CAPZA2: variants seen among roughly 807,000 people sequenced by gnomAD.
CAPZA2 encodes F-actin-capping protein subunit alpha-2.
In CAPZA2, 13 loss-of-function variants were observed where a neutral mutation model predicts 44.0. That is an observed-to-expected ratio of 0.30 (90% CI 0.19 to 0.47). The LOEUF is 0.47. CAPZA2 is among the 20% of genes least tolerant of loss of function. CAPZA2 has a pLI of 1.00. For synonymous variants in CAPZA2, 94 were observed against 108.2 expected, an observed-to-expected ratio of 0.87 and a Z score of 0.81; for missense variants, 244 against 338.6, an observed-to-expected ratio of 0.72 and a Z score of 2.19.
intron 8 of CAPZA2, among the ~76,000 whole-genome samples, chr7:116,913,324 C>T (rs1473157970): frequency 6.7e-6 from 1 of 148,312 alleles, no homozygotes; most frequent in African/African-American, 2.5e-5. Context: ...TAATAGAAAC[C>T]ATTGTCTACC....
intron 2 of CAPZA2, among the ~76,000 whole-genome samples, chr7:116,891,158 T>G (rs1796841893): frequency 6.6e-6 from 1 of 152,222 alleles, no homozygotes; most frequent in Non-Finnish European, 1.5e-5. Flanking sequence ...AAGAGAAATA[T>G]TTTATTCAAA....
chr7:116,892,786 A>C (rs920112228), intron 2 of CAPZA2, among the ~76,000 whole-genome samples: 1 of 146,064 alleles, frequency 6.8e-6, no homozygotes, highest in Non-Finnish European at 1.5e-5. Flanking sequence ...ATGTATTTCT[A>C]TTTCATTCCC....
chr7:116,903,233 A>AGAGAGTGT, intron 4 of CAPZA2, among the ~76,000 whole-genome samples: 1 of 146,438 alleles, frequency 6.8e-6, no homozygotes, highest in African/African-American at 2.5e-5. Flanking sequence ...TGCAGAGAAG[A>AGAGAGTGT]GTGTGTGTGT....
intron 7 of CAPZA2, among the ~76,000 whole-genome samples, chr7:116,910,808 A>G (rs992973317): frequency 2.0e-5 from 3 of 152,102 alleles, no homozygotes; most frequent in Non-Finnish European, 4.4e-5. Context: ...GATCAAGACC[A>G]TCCTGGCTAA....
At chr7:116,879,031 C>T (rs1466595086) in intron 1 of CAPZA2, among the ~76,000 whole-genome samples, 1 of 143,336 alleles carries the variant, frequency 7.0e-6, no homozygotes, top group Non-Finnish European at 1.5e-5. Context: ...GAGGCTGAGG[C>T]AGGAGAATCA....
At chr7:116,862,774 T>C in intron 1 of CAPZA2, 124 bp downstream of exon 1, 2 of 1,051,278 alleles carry the variant, frequency 1.9e-6, no homozygotes, top group Non-Finnish European at 1.4e-6. Context: ...CGGCTGCCCT[T>C]CCTCCCCCAT....
chr7:116,913,255 T>C (rs1407889226), intron 8 of CAPZA2, among the ~76,000 whole-genome samples: 3 of 152,234 alleles, frequency 2.0e-5, no homozygotes, highest in Non-Finnish European at 4.4e-5. Context: ...TGATATTGTT[T>C]GCAAAACAGA....
At chr7:116,907,528 T>C (rs1460152113) in intron 6 of CAPZA2, among the ~76,000 whole-genome samples, 1 of 152,252 alleles carries the variant, frequency 6.6e-6, no homozygotes, top group Non-Finnish European at 1.5e-5. Flanking sequence ...AAATTCTTTT[T>C]ACTACGTTCT....
intron 1 of CAPZA2, among the ~76,000 whole-genome samples, chr7:116,878,323 G>C (rs1395943690): frequency 6.6e-6 from 1 of 152,194 alleles, no homozygotes; most frequent in Non-Finnish European, 1.5e-5. Context: ...AGGCAGCTAT[G>C]TAAAAAGCTG....
At chr7:116,866,673 T>A (rs956904492) in intron 1 of CAPZA2, among the ~76,000 whole-genome samples, 1 of 152,250 alleles carries the variant, frequency 6.6e-6, no homozygotes, top group Admixed American at 6.5e-5. Flanking sequence ...ATACACTTAG[T>A]TACTGATGGG....
intron 1 of CAPZA2, among the ~76,000 whole-genome samples, chr7:116,868,595 G>A (rs755933092): frequency 1.3e-5 from 2 of 152,128 alleles, no homozygotes; most frequent in Admixed American, 1.3e-4. Flanking sequence ...TTAGCTGGGC[G>A]TGGTGTCGTG....
intron 6 of CAPZA2, among the ~76,000 whole-genome samples, chr7:116,908,464 A>G (rs1791545380): frequency 6.6e-6 from 1 of 152,158 alleles, no homozygotes; most frequent in Non-Finnish European, 1.5e-5. Flanking sequence ...TACAGAGTTA[A>G]TAAACGAGAG....
chr7:116,880,280 C>A (rs956682058), intron 1 of CAPZA2: 2 of 339,444 alleles, frequency 5.9e-6, no homozygotes, highest in Non-Finnish European at 1.1e-5. Context: ...TGTAAACTTA[C>A]ATTTTAATTA....
At chr7:116,890,624 A>C (rs1796832872) in intron 2 of CAPZA2, among the ~76,000 whole-genome samples, 1 of 126,524 alleles carries the variant, frequency 7.9e-6, no homozygotes, top group Non-Finnish European at 1.6e-5. Flanking sequence ...ATATATACAA[A>C]AATTAGCAGG....
rs759496301 is a variant in CAPZA2, at chr7:116,910,217, T to A, written c.507-16T>A. ...TTTTCCCTACCTTATTTACAGCTGC[T>A]GTTTTTATTTTTAAGGAATGGTCGT... On this transcript the variant is annotated splice_polypyrimidine_tract_variant and intron_variant, in intron 6 of 9. Transcript: ENST00000361183. 7.2e-7 allele frequency: 1 copy of A among 1,393,004 alleles called. No homozygotes were observed. Among genetic ancestry groups the A allele is most frequent in the Non-Finnish European group, 1.0e-6 (1 of 978,332 alleles). 86.3% of individuals were successfully genotyped at this position (1,393,004 alleles called of 1,614,324 possible).
intron 2 of CAPZA2, among the ~76,000 whole-genome samples, chr7:116,892,679 A>G (rs745645847): frequency 8.5e-5 from 13 of 152,078 alleles, no homozygotes; most frequent in Admixed American, 2.0e-4. Flanking sequence ...GAGTTTACAA[A>G]TTTGTGTTGG....
intron 6 of CAPZA2, among the ~76,000 whole-genome samples, chr7:116,907,084 A>G (rs1375952089): frequency 6.6e-6 from 1 of 152,212 alleles, no homozygotes; most frequent in African/African-American, 2.4e-5. Context: ...CTTTTAGTAT[A>G]TTAGCCTTTG....
intron 3 of CAPZA2, among the ~76,000 whole-genome samples, chr7:116,897,067 T>C (rs1803593630): frequency 6.6e-6 from 1 of 152,180 alleles, no homozygotes; most frequent in South Asian, 2.1e-4. Flanking sequence ...TCAGATTTCC[T>C]ATTTTTCCTT....
chr7:116,894,874 G>A (rs566261201), intron 3 of CAPZA2, among the ~76,000 whole-genome samples: 41 of 152,122 alleles, frequency 2.7e-4, no homozygotes, highest in African/African-American at 9.6e-4. Flanking sequence ...TATCTGTATA[G>A]CACATTTTGT....
Sources: allele counts gnomAD v4.1 joint callset (sites outside exome capture counted in the v4.1 genomes callset), GRCh38; gene constraint gnomAD v4.1.1; transcripts MANE v1.5; gene names NCBI Gene and HGNC (gene_info 2026-07-23, HGNC 2026-07-21).